Variants in DTNA observed in about 807,000 individuals in gnomAD.
DTNA encodes the protein dystrophin-related protein 3.
DTNA carries 43 observed loss-of-function variants against 100.7 expected under a neutral mutation model. The observed-to-expected ratio is 0.43, with a 90% CI of 0.33 to 0.55. The LOEUF (loss-of-function observed/expected upper bound fraction) is 0.55. DTNA is among the 20% of genes least tolerant of loss of function. DTNA has a pLI of 0.04. For missense variants in DTNA, 798 were observed against 953.9 expected (o/e 0.84, Z 2.15); for synonymous variants, 349 against 347.9 (o/e 1.00, Z -0.04).
At chr18:34,652,664 C>T (rs1164823731) in intron 1 of DTNA, among the ~76,000 whole-genome samples, 1 of 152,114 alleles carries the variant, frequency 6.6e-6, no homozygotes, top group Middle Eastern at 3.2e-3. Context: ...TGTGAAGGTC[C>T]CCAGATGCTT....
chr18:34,705,635 G>T (rs2082020818), upstream of DTNA, among the ~76,000 whole-genome samples: 1 of 152,108 alleles, frequency 6.6e-6, no homozygotes, highest in Non-Finnish European at 1.5e-5. Context: ...TATTGATTCT[G>T]CCAATTCTTA....
intron 1 of DTNA, among the ~76,000 whole-genome samples, chr18:34,694,604 A>G (rs1401250119): frequency 1.3e-5 from 2 of 152,218 alleles, no homozygotes; most frequent in African/African-American, 2.4e-5. Context: ...TTGTCTGTGT[A>G]TAATATGCCT....
intron 16 of DTNA, among the ~76,000 whole-genome samples, chr18:34,860,748 A>C (rs1244318361): frequency 6.6e-6 from 1 of 152,246 alleles, no homozygotes; most frequent in Admixed American, 6.5e-5. Flanking sequence ...AGAAAACTGA[A>C]AGCTGAGTCA....
intron 1 of DTNA, among the ~76,000 whole-genome samples, chr18:34,531,309 C>A (rs747971312): frequency 4.6e-5 from 7 of 152,114 alleles, no homozygotes; most frequent in Non-Finnish European, 1.0e-4. Context: ...CTTTCACTAG[C>A]TGGCTGTGTG....
rs191052085 is a variant in DTNA at position 34,790,673 on chromosome 18, G to A, written c.149-3364G>A. On this transcript the variant is annotated intron_variant, in intron 3 of 22. Coordinates refer to ENST00000444659, the MANE Select transcript of DTNA (RefSeq NM_001386795.1). ...TGCAAGCTCCGCCTCCCGGCTTCAC[G>A]CCATTCTCCAAGCAGCATACAATTT... 6.6e-3 allele frequency among the ~76,000 whole-genome samples: 955 copies of A among 144,748 alleles called. 4 individuals carry two copies. Among genetic ancestry groups the A allele is most frequent in the African/African-American group, 0.019 (742 of 39,438 alleles). The allele number at this position is 144,748 out of a possible 152,430, so 95.0% of individuals were successfully genotyped here. A position where few individuals can be genotyped will look rare whatever the true frequency, so the allele number is the denominator to read the frequency against.
At chr18:34,884,909 A>G in intron 22 of DTNA, 133 bp downstream of exon 22, 2 of 1,091,106 alleles carry the variant, frequency 1.8e-6, no homozygotes, top group Non-Finnish European at 1.4e-6. Flanking sequence ...AACTGCTGAT[A>G]TCGAAGAGTC....
intron 17 of DTNA, chr18:34,867,509 A>G: frequency 8.4e-7 from 1 of 1,187,602 alleles, no homozygotes; most frequent in Non-Finnish European, 1.0e-6. Context: ...TGGTAAAGAA[A>G]AATGCCTTCT....
intron 15 of DTNA, 32 bp downstream of exon 15, chr18:34,851,960 A>G (rs1435488111): frequency 6.2e-7 from 1 of 1,604,078 alleles, no homozygotes; most frequent in Non-Finnish European, 8.5e-7. Flanking sequence ...GGCTTGTTTG[A>G]TCAATGTGCG....
chr18:34,563,715 G>A (rs558727894), intron 1 of DTNA, among the ~76,000 whole-genome samples: 3 of 152,162 alleles, frequency 2.0e-5, no homozygotes, highest in Admixed American at 6.5e-5. Context: ...ATTATTCAAG[G>A]TGTACAAAGT....
intron 1 of DTNA, among the ~76,000 whole-genome samples, chr18:34,548,771 A>G (rs1006243488): frequency 6.6e-6 from 1 of 152,096 alleles, no homozygotes; most frequent in Non-Finnish European, 1.5e-5. Flanking sequence ...TTAAGACCTT[A>G]ACAGAAGTAT....
intron 4 of DTNA, among the ~76,000 whole-genome samples, chr18:34,795,449 A>G (rs2094929062): frequency 6.6e-6 from 1 of 152,238 alleles, no homozygotes; most frequent in Non-Finnish European, 1.5e-5. Flanking sequence ...TGCACACTTC[A>G]GAACGAGATG....
chr18:34,666,379 C>T (rs1285280270), intron 1 of DTNA, among the ~76,000 whole-genome samples: 2 of 151,774 alleles, frequency 1.3e-5, no homozygotes, highest in Non-Finnish European at 2.9e-5. Flanking sequence ...GTTGCCTGTT[C>T]ACTCTGATGG....
chr18:34,535,414 T>A (rs1461505393), intron 1 of DTNA, among the ~76,000 whole-genome samples: 1 of 152,136 alleles, frequency 6.6e-6, no homozygotes, highest in East Asian at 1.9e-4. Context: ...ATGGATAGAT[T>A]GCAAAAATTT....
intron 1 of DTNA, among the ~76,000 whole-genome samples, chr18:34,670,784 T>A (rs189768498): frequency 6.6e-6 from 1 of 152,048 alleles, no homozygotes; most frequent in African/African-American, 2.4e-5. Flanking sequence ...CCTCTGGAGG[T>A]TTTGTCTCAG....
intron 1 of DTNA, among the ~76,000 whole-genome samples, chr18:34,505,259 A>G (rs188850055): frequency 7.6e-4 from 115 of 152,208 alleles, no homozygotes; most frequent in Non-Finnish European, 1.3e-3. Flanking sequence ...CTGTCATCGT[A>G]TCTCCTACTT....
chr18:34,599,743 T>C (rs2051380090), intron 1 of DTNA, among the ~76,000 whole-genome samples: 1 of 152,166 alleles, frequency 6.6e-6, no homozygotes, highest in Admixed American at 6.5e-5. Context: ...AGAGTACAGC[T>C]GTCAGCTCAC....
At chr18:34,830,016 C>T (rs1056473051) in intron 11 of DTNA, among the ~76,000 whole-genome samples, 1 of 152,198 alleles carries the variant, frequency 6.6e-6, no homozygotes, top group Admixed American at 6.5e-5. Context: ...CAGTTTCTTG[C>T]TCTCTGTGCT....
intron 1 of DTNA, among the ~76,000 whole-genome samples, chr18:34,657,604 T>C (rs2074574402): frequency 6.6e-6 from 1 of 152,222 alleles, no homozygotes; most frequent in Non-Finnish European, 1.5e-5. Flanking sequence ...AAAATATTTT[T>C]ATAACTTTAA....
intron 1 of DTNA, among the ~76,000 whole-genome samples, chr18:34,673,420 A>C (rs893645993): frequency 2.0e-5 from 3 of 152,018 alleles, no homozygotes; most frequent in Admixed American, 6.6e-5. Context: ...GATTACAGGC[A>C]TGAGCCACCT....
Sources: gnomAD v4.1 joint callset for allele counts (sites outside exome capture counted in the v4.1 genomes callset) on GRCh38, gnomAD v4.1.1 for gene constraint, MANE v1.5 for transcripts, NCBI Gene and HGNC (gene_info 2026-07-23, HGNC 2026-07-21) for gene names.